IL2RA: variants seen among roughly 807,000 people sequenced by gnomAD.
The protein encoded by IL2RA is interleukin-2 receptor subunit alpha.
IL2RA carries 24 observed loss-of-function variants against 37.8 expected under a neutral mutation model. The ratio of observed to expected loss-of-function variants is 0.63; its 90% CI spans 0.46 to 0.89. The LOEUF is 0.89. Among genes scored for constraint, IL2RA ranks in the 40% least tolerant of loss-of-function variants. IL2RA has a pLI of 0.00. For synonymous variants in IL2RA, 125 were observed against 114.6 expected, an observed-to-expected ratio of 1.09 and a Z score of -0.58; for missense variants, 319 against 348.6, an observed-to-expected ratio of 0.92 and a Z score of 0.68.
At chr10:6,050,542 G>T (rs559829376) in intron 1 of IL2RA, among the ~76,000 whole-genome samples, 1 of 152,314 alleles carries the variant, frequency 6.6e-6, no homozygotes, top group East Asian at 1.9e-4. Context: ...TACTGGGGAG[G>T]CTGAGGCATG....
chr10:6,034,945 T>C (rs1389822114), intron 1 of IL2RA, among the ~76,000 whole-genome samples: 1 of 152,242 alleles, frequency 6.6e-6, no homozygotes, highest in Non-Finnish European at 1.5e-5. Context: ...ATTCTGGATG[T>C]AGACATCACC....
chr10:6,046,682 G>C lies in IL2RA; in HGVS notation c.64+15406C>G, dbSNP rs1165682121. 6.6e-6 allele frequency among the ~76,000 whole-genome samples: 1 copy of C among 152,218 alleles called. No individual in the cohort carries two copies. Among genetic ancestry groups the C allele is most frequent in the African/African-American group, 2.4e-5 (1 of 41,464 alleles). On this transcript the variant is annotated intron_variant, in intron 1 of 7. Coordinates refer to ENST00000379959, the MANE Select transcript of IL2RA (RefSeq NM_000417.3). This position sits in a 1 kb window ranked among gnomAD's most constrained non-coding sequence, Gnocchi z 4.8. Reference sequence around the variant, plus strand: ...CCATGCTGAGAGGAAATACAGGCTTGCATTTCTCCAGAGTTCCTTGAAAGC... The same window carrying C: ...CCATGCTGAGAGGAAATACAGGCTTCCATTTCTCCAGAGTTCCTTGAAAGC...
In IL2RA at chr10:6,019,414, A is replaced by T. The variant is rs772163503; in HGVS notation, c.727+14T>A. On this transcript the variant is annotated intron_variant, in intron 6 of 7. Coordinates refer to ENST00000379959, the MANE Select transcript of IL2RA (RefSeq NM_000417.3). ...TGGTGTACATTTTGTCCACAAAGCC[A>T]GTGCCCCACTCACCTGCTACCTGGT... is the stretch of plus-strand genomic sequence containing the variant. 2 of 1,592,816 alleles carry T rather than the reference A, an allele frequency of 1.3e-6. No individual in the cohort carries two copies. Among genetic ancestry groups the T allele is most frequent in the South Asian group, 1.1e-5 (1 of 90,668 alleles).
chr10:6,050,490 A>G (rs1175811981), intron 1 of IL2RA, among the ~76,000 whole-genome samples: 1 of 152,092 alleles, frequency 6.6e-6, no homozygotes, highest in Non-Finnish European at 1.5e-5. Flanking sequence ...AAAATACAAA[A>G]ATTAGTCAGG....
In IL2RA at chr10:6,021,730, G is replaced by A; in HGVS notation, c.368-37C>T. The A allele has an allele frequency of 1.9e-6, 3 of 1,575,812 alleles. No individual in the cohort carries two copies. The highest frequency in any genetic ancestry group is 2.6e-6 in the Non-Finnish European group (3 of 1,146,024). ...AAGGAATGCTCTGAAGGCAAGTTGG[G>A]GACAGCACCGCGAGTGAGTCCAGGT... On this transcript the variant is annotated intron_variant, in intron 3 of 7. Transcript: ENST00000379959. The surrounding 1 kb of genome is among the most constrained non-coding windows in gnomAD (Gnocchi z 4.9).
intron 1 of IL2RA, among the ~76,000 whole-genome samples, chr10:6,038,345 C>A (rs777054173): frequency 4.6e-5 from 7 of 152,214 alleles, no homozygotes; most frequent in Non-Finnish European, 8.8e-5. Context: ...AGATTATTAT[C>A]TTTGAAGAAG....
rs201675947 is a variant in IL2RA, at chr10:6,019,947, G to A, written c.584-6C>T. 1.6e-4 allele frequency: 257 copies of A among 1,613,150 alleles called. 1 individual carries two copies. The highest frequency in any genetic ancestry group is 2.1e-4 in the Non-Finnish European group (242 of 1,179,076). ...TGCCTGAGGCTTCTCTTCACCTGGG[G>A]GAGAGAGTAAGTGATGCTGGTGGAG... On this transcript the variant is annotated splice_region_variant and splice_polypyrimidine_tract_variant and intron_variant, in intron 4 of 7. Transcript: ENST00000379959.
rs12722625 is a variant in IL2RA, at chr10:6,057,108, A to G, written c.64+4980T>C. ...GACTTGTGTTACCATGACTATATCTATGCCTTTCTCCTCCTCACCAACTTA... is the reference window on the plus strand; with the variant it reads ...GACTTGTGTTACCATGACTATATCTGTGCCTTTCTCCTCCTCACCAACTTA... On this transcript the variant is annotated intron_variant, in intron 1 of 7. Coordinates refer to ENST00000379959, the MANE Select transcript of IL2RA (RefSeq NM_000417.3). The surrounding 1 kb of genome is among the most constrained non-coding windows in gnomAD (Gnocchi z 4.8). Among the ~76,000 whole-genome samples the G allele has an allele frequency of 7.7e-3, 1,176 of 152,310 alleles. 15 individuals are homozygous for G. Among genetic ancestry groups the G allele is most frequent in the African/African-American group, 0.027 (1,118 of 41,570 alleles).
chr10:6,050,214 G>A (rs1321138043), intron 1 of IL2RA, among the ~76,000 whole-genome samples: 9 of 152,214 alleles, frequency 5.9e-5, no homozygotes, highest in Non-Finnish European at 7.3e-5. Flanking sequence ...CCCAGGAGAT[G>A]AACAGTGCCT....
intron 1 of IL2RA, among the ~76,000 whole-genome samples, chr10:6,053,297 C>T (rs1422887810): frequency 6.6e-6 from 1 of 152,146 alleles, no homozygotes; most frequent in Non-Finnish European, 1.5e-5. Flanking sequence ...CACAGTTCAC[C>T]AGGCAGAAAA....
intron 1 of IL2RA, among the ~76,000 whole-genome samples, chr10:6,049,511 C>A (rs1318542299): frequency 6.6e-6 from 1 of 152,198 alleles, no homozygotes; most frequent in Non-Finnish European, 1.5e-5. Context: ...TGAAATTGAC[C>A]ATCATGCTCA....
intron 1 of IL2RA, among the ~76,000 whole-genome samples, chr10:6,049,251 G>A (rs1022598915): frequency 1.3e-5 from 2 of 152,164 alleles, no homozygotes; most frequent in South Asian, 2.1e-4. Flanking sequence ...AGCAGACGAC[G>A]GATGTCCCAG....
In IL2RA at chr10:6,010,998, G is replaced by C. The variant is rs1839183656; in HGVS notation, c.*1874C>G. The C allele has an allele frequency of 1.3e-5, 2 of 152,248 alleles. No homozygotes were observed. Among genetic ancestry groups the C allele is most frequent in the Admixed American group, 1.3e-4 (2 of 15,268 alleles). 9.4% of individuals were successfully genotyped at this position (152,248 alleles called of 1,614,324 possible). ...AGAAAACATATACCTGAAGGGGGAGGGGGAGAGTGCACAGATGAGTCTGTT... is the reference window on the plus strand; with the variant it reads ...AGAAAACATATACCTGAAGGGGGAGCGGGAGAGTGCACAGATGAGTCTGTT... On this transcript the variant is annotated 3_prime_UTR_variant, in exon 8 of 8. Coordinates refer to ENST00000379959, the MANE Select transcript of IL2RA (RefSeq NM_000417.3).
chr10:6,030,394 C>T (rs1839557697), intron 1 of IL2RA, among the ~76,000 whole-genome samples: 1 of 151,934 alleles, frequency 6.6e-6, no homozygotes, highest in Non-Finnish European at 1.5e-5. Flanking sequence ...TTAAAAGTGG[C>T]CAGAGGGAAA....
rs1839668421 is a variant in IL2RA, at chr10:6,035,650, T to A, written c.65-9625A>T. On this transcript the variant is annotated intron_variant, in intron 1 of 7. Transcript: ENST00000379959. The surrounding 1 kb of genome is among the most constrained non-coding windows in gnomAD (Gnocchi z 5.4). Reference sequence around the variant, plus strand: ...GCGGTGATGTGGCCTTCCTCTTTAGTTTTTGTGCCTTTTATGTGGGCAGAG... The same window carrying A: ...GCGGTGATGTGGCCTTCCTCTTTAGATTTTGTGCCTTTTATGTGGGCAGAG... Among the ~76,000 whole-genome samples the A allele has an allele frequency of 6.6e-6, 1 of 152,132 alleles. No individual in the cohort carries two copies. Among genetic ancestry groups the A allele is most frequent in the Non-Finnish European group, 1.5e-5 (1 of 68,026 alleles).
Position 6,012,692 on chromosome 10 carries a change from T to C in IL2RA, c.*180A>G, listed in dbSNP as rs1399476668. On this transcript the variant is annotated 3_prime_UTR_variant, in exon 8 of 8. Coordinates refer to ENST00000379959, the MANE Select transcript of IL2RA (RefSeq NM_000417.3). The surrounding 1 kb of genome is among the most constrained non-coding windows in gnomAD (Gnocchi z 4.8). ...GCTCTCTGATGGGACTGAGCTGGCA[T>C]AGAGACAAGGTTGCCACTGCCCCGT... 2.9e-6 allele frequency: 2 copies of C among 691,376 alleles called. No homozygotes were observed. The highest frequency in any genetic ancestry group is 2.6e-6 in the Non-Finnish European group (1 of 377,858). 42.8% of individuals were successfully genotyped at this position (691,376 alleles called of 1,614,324 possible).
chr10:6,038,749 T>C (rs11256456), intron 1 of IL2RA, among the ~76,000 whole-genome samples: 28,805 of 152,228 alleles, frequency 0.19, 3,015 homozygotes, highest in East Asian at 0.26. Context: ...AGGTTATTTA[T>C]TATTTGAGAG....
chr10:6,051,491 A>G (rs1364971383), intron 1 of IL2RA, among the ~76,000 whole-genome samples: 2 of 42,598 alleles, frequency 4.7e-5, no homozygotes, highest in Non-Finnish European at 8.3e-5. Flanking sequence ...GAAAATACAC[A>G]CAAATATATA....
Position 6,014,490 on chromosome 10 carries a change from G to A in IL2RA, c.795-1594C>T, listed in dbSNP as rs1206058554. Among the ~76,000 whole-genome samples, 1 of 152,172 alleles carries A rather than the reference G, an allele frequency of 6.6e-6. No homozygotes were observed. The highest frequency in any genetic ancestry group is 6.5e-5 in the Admixed American group (1 of 15,284). On this transcript the variant is annotated intron_variant, in intron 7 of 7. Coordinates refer to ENST00000379959, the MANE Select transcript of IL2RA (RefSeq NM_000417.3). This position sits in a 1 kb window ranked among gnomAD's most constrained non-coding sequence, Gnocchi z 4.4. ...CTCACATAGGTTCACACAGTTATTT[G>A]TTTCACAACATAAACACTGAACCAT...
Sources: allele counts gnomAD v4.1 joint callset (sites outside exome capture counted in the v4.1 genomes callset), GRCh38; gene constraint gnomAD v4.1.1; non-coding constraint Gnocchi (gnomAD v3.1); transcripts MANE v1.5; gene names NCBI Gene and HGNC (gene_info 2026-07-23, HGNC 2026-07-21).